Variants in DDX60 observed in about 807,000 individuals in gnomAD.
DDX60 encodes the protein DExD/H-box helicase 60.
A neutral mutation model predicts 212.8 loss-of-function variants in DDX60; 165 were observed. The observed-to-expected ratio is 0.78, with a 90% CI of 0.68 to 0.88. The LOEUF (loss-of-function observed/expected upper bound fraction) is 0.88, where lower values mean the gene tolerates loss of function less well. DDX60 is among the 40% of genes least tolerant of loss of function. DDX60 has a pLI of 0.00. For missense variants in DDX60, 1,905 were observed against 2,003.9 expected (o/e 0.95, Z 0.94); for synonymous variants, 703 against 685.3 (o/e 1.03, Z -0.40).
At position 168,284,757 on chromosome 4, in the gene DDX60, A is replaced by G. The variant is rs553743516; in HGVS notation, c.1561+63T>C. 3.7e-6 allele frequency: 3 copies of G among 804,748 alleles called. No individual in the cohort carries two copies. The Admixed American group carries it at 8.4e-5, about 23-fold the overall frequency. The allele number at this position is 804,748 out of a possible 1,614,324, so 49.9% of individuals were successfully genotyped here. A position where few individuals can be genotyped will look rare whatever the true frequency, so the allele number is the denominator to read the frequency against. ...TTGTGTCTTATGATAATTTTCCACTATAAAATAAGAGGCAGAGAGTAAAGT... is the reference window on the plus strand; with the variant it reads ...TTGTGTCTTATGATAATTTTCCACTGTAAAATAAGAGGCAGAGAGTAAAGT... On this transcript the variant is annotated intron_variant, in intron 12 of 37. Transcript: ENST00000393743.
rs17053806 is a variant in DDX60, at chr4:168,221,741, G to T, written c.4965C>A (p.Val1655=). The change falls in exon 36 of 38, where the codon GTC becomes GTA. Residue 1655 remains valine (V), a synonymous_variant. Transcript: ENST00000393743. ...CAGAGAGGACATACCTGTTATCCTG[G>T]ACTAATCCTATCAAGGAACCATGTT... ...FYKHGSLIGL[V]QDNRMNEGDA... 5.2e-3 allele frequency: 8,313 copies of T among 1,612,088 alleles called. 363 individuals are homozygous for T. In the African/African-American group the frequency reaches 0.095, roughly 18 times the overall value.
chr4:168,294,856 C>T (rs1395395997), intron 6 of DDX60, among the ~76,000 whole-genome samples: 1 of 150,550 alleles, frequency 6.6e-6, no homozygotes, highest in Non-Finnish European at 1.5e-5. Context: ...AACTCAAACT[C>T]AATAGTAAGA....
intron 5 of DDX60, among the ~76,000 whole-genome samples, chr4:168,306,071 A>C (rs1234109219): frequency 6.6e-6 from 1 of 152,218 alleles, no homozygotes; most frequent in Non-Finnish European, 1.5e-5. Context: ...TTTGGTGAGC[A>C]GATTACTGAT....
intron 6 of DDX60, among the ~76,000 whole-genome samples, chr4:168,295,832 C>T (rs993048544): frequency 2.6e-5 from 4 of 151,958 alleles, no homozygotes; most frequent in East Asian, 3.9e-4. Context: ...GCATTTAAAA[C>T]GGGGGGAAAT....
chr4:168,309,114 G>A (rs1237967490), intron 3 of DDX60, among the ~76,000 whole-genome samples: 9 of 152,088 alleles, frequency 5.9e-5, no homozygotes, highest in Non-Finnish European at 1.3e-4. Context: ...TAATAACTTT[G>A]TAGCCACTTC....
At chr4:168,295,965 T>C (rs1334864186) in intron 6 of DDX60, among the ~76,000 whole-genome samples, 1 of 152,038 alleles carries the variant, frequency 6.6e-6, no homozygotes, top group African/African-American at 2.4e-5. Context: ...GTTGAACTCA[T>C]AGAAATAGAG....
intron 16 of DDX60, among the ~76,000 whole-genome samples, chr4:168,275,063 G>C (rs1735273886): frequency 6.6e-6 from 1 of 152,028 alleles, no homozygotes; most frequent in South Asian, 2.1e-4. Flanking sequence ...GGAAAACCTG[G>C]AGGCTGCTCC....
Position 168,251,795 on chromosome 4 carries a change from A to G in DDX60, c.3706-689T>C, listed in dbSNP as rs184619610. Among the ~76,000 whole-genome samples, 506 of 152,364 alleles carry G rather than the reference A, an allele frequency of 3.3e-3. 1 individual carries two copies. The highest frequency in any genetic ancestry group is 0.011 in the African/African-American group (471 of 41,590). On this transcript the variant is annotated intron_variant, in intron 27 of 37. Transcript: ENST00000393743. Reference sequence around the variant, plus strand: ...AGGTGCACAATAGAATGATACATATATGTGTACACACATACGCAAAATGTA... The same window carrying G: ...AGGTGCACAATAGAATGATACATATGTGTGTACACACATACGCAAAATGTA...
chr4:168,239,838 C>A (rs1733775249), intron 30 of DDX60, among the ~76,000 whole-genome samples: 1 of 151,898 alleles, frequency 6.6e-6, no homozygotes, highest in African/African-American at 2.4e-5. Flanking sequence ...ACAAGGACAT[C>A]TTTTCCTCTA....
intron 13 of DDX60, 121 bp downstream of exon 13, chr4:168,283,325 T>C (rs2149527608): frequency 2.5e-6 from 2 of 799,120 alleles, no homozygotes; most frequent in African/African-American, 1.8e-5. Context: ...TACAAAAATA[T>C]ATGCATATAA....
At chr4:168,317,057 CAA>C (rs34647800) in intron 1 of DDX60, among the ~76,000 whole-genome samples, 13 of 49,802 alleles carry the variant, frequency 2.6e-4, no homozygotes, top group East Asian at 5.3e-4. Context: ...GACTCCGTCT[CAA>C]AAAAAAAAAA....
upstream of DDX60, among the ~76,000 whole-genome samples, chr4:168,320,479 C>T (rs558307375): frequency 2.6e-5 from 4 of 151,984 alleles, no homozygotes; most frequent in African/African-American, 9.7e-5. Context: ...TTTTCTAGAG[C>T]CTCCAGAAAT....
At chr4:168,320,393 G>GA (rs1298369472), upstream of DDX60, among the ~76,000 whole-genome samples, 1 of 152,098 alleles carries the variant, frequency 6.6e-6, no homozygotes, top group Admixed American at 6.5e-5. Flanking sequence ...AGATGGCGTT[G>GA]AAGACAGTGG....
At chr4:168,236,971 T>C (rs985244459) in intron 32 of DDX60, among the ~76,000 whole-genome samples, 2 of 151,224 alleles carry the variant, frequency 1.3e-5, no homozygotes, top group South Asian at 2.1e-4. Flanking sequence ...GATGAATATA[T>C]ATTATATTTA....
chr4:168,238,549 C>T (rs1393811333), intron 30 of DDX60, among the ~76,000 whole-genome samples: 2 of 151,282 alleles, frequency 1.3e-5, no homozygotes, highest in East Asian at 3.9e-4. Context: ...AGAGTGGAAG[C>T]GTAGAAGAAG....
chr4:168,256,297 A>G (rs1734411280), intron 25 of DDX60, among the ~76,000 whole-genome samples: 1 of 152,176 alleles, frequency 6.6e-6, no homozygotes, highest in African/African-American at 2.4e-5. Context: ...GAGAAAAAAA[A>G]GATTAATCAA....
chr4:168,273,812 C>CG, intron 17 of DDX60, 122 bp downstream of exon 17: 1 of 1,169,728 alleles, frequency 8.5e-7, no homozygotes, highest in Non-Finnish European at 1.2e-6. Flanking sequence ...GCTTCAGACA[C>CG]TGAAACAAGA....
chr4:168,243,689 G>C (rs72693122), intron 30 of DDX60, among the ~76,000 whole-genome samples: 8,912 of 152,272 alleles, frequency 0.059, 450 homozygotes, highest in East Asian at 0.15. Flanking sequence ...TTGTGGAAGA[G>C]AGTGTGGAGA....
chr4:168,285,949 G>A lies in DDX60; in HGVS notation c.1340-451C>T, dbSNP rs12331276. Among the ~76,000 whole-genome samples, 151 of 123,106 alleles carry A rather than the reference G, an allele frequency of 1.2e-3. 1 individual carries two copies. In the East Asian group the frequency reaches 0.022, roughly 18 times the overall value. 80.8% of individuals were successfully genotyped at this position (123,106 alleles called of 152,430 possible). On this transcript the variant is annotated intron_variant, in intron 10 of 37. Coordinates refer to ENST00000393743, the MANE Select transcript of DDX60 (RefSeq NM_017631.6). Reference sequence around the variant, plus strand: ...GAAGGAAGGAAGGAAGGGAGGAAGGGAGGGAGGGAAAGGAAAGAATGAAAG... The same window carrying A: ...GAAGGAAGGAAGGAAGGGAGGAAGGAAGGGAGGGAAAGGAAAGAATGAAAG...
Sources: gnomAD v4.1 joint callset for allele counts (sites outside exome capture counted in the v4.1 genomes callset) on GRCh38, gnomAD v4.1.1 for gene constraint, MANE v1.5 for transcripts, NCBI Gene and HGNC (gene_info 2026-07-23, HGNC 2026-07-21) for gene names.